Variants in ADAMTS12 observed in about 807,000 individuals in gnomAD.
ADAMTS12 encodes the protein A disintegrin and metalloproteinase with thrombospondin motifs 12.
Under a neutral mutation model 167.8 loss-of-function variants are expected in ADAMTS12, and 118 were observed. That is an observed-to-expected ratio of 0.70 (90% CI 0.61 to 0.82). ADAMTS12 has a LOEUF of 0.82. Ranked by LOEUF, ADAMTS12 falls within the 40% of genes least tolerant of loss-of-function variation. The pLI is 0.00. For missense variants in ADAMTS12, 1,916 were observed against 1,998.8 expected (o/e 0.96, Z 0.79); for synonymous variants, 704 against 716.9 (o/e 0.98, Z 0.29).
chr5:33,775,553 T>C (rs1745885192), intron 2 of ADAMTS12, among the ~76,000 whole-genome samples: 1 of 152,186 alleles, frequency 6.6e-6, no homozygotes, highest in Admixed American at 6.5e-5. Flanking sequence ...GACTTTCCAG[T>C]ATGCATTTCC....
intron 2 of ADAMTS12, among the ~76,000 whole-genome samples, chr5:33,791,169 C>T (rs1359890006): frequency 2.0e-5 from 3 of 152,164 alleles, no homozygotes; most frequent in Non-Finnish European, 4.4e-5. Context: ...GCCAGTACCT[C>T]TTGACTCTCA....
intron 18 of ADAMTS12, among the ~76,000 whole-genome samples, chr5:33,579,474 T>G (rs1470902340): frequency 6.6e-6 from 1 of 152,242 alleles, no homozygotes; most frequent in African/African-American, 2.4e-5. Context: ...TTTCTCTTTT[T>G]CTTTTTGGTT....
intron 23 of ADAMTS12, among the ~76,000 whole-genome samples, chr5:33,528,720 G>A (rs72737382): frequency 0.13 from 19,621 of 152,202 alleles, 1,411 homozygotes; most frequent in African/African-American, 0.18. Context: ...ATACTATTCA[G>A]AGTGTCAAGC....
At chr5:33,588,864 A>G (rs1747497049) in intron 17 of ADAMTS12, 55 bp from the exon 18 acceptor site, 2 of 1,591,034 alleles carry the variant, frequency 1.3e-6, no homozygotes, top group African/African-American at 1.3e-5. Flanking sequence ...CATATGTTCC[A>G]TTCAACCACT....
intron 2 of ADAMTS12, among the ~76,000 whole-genome samples, chr5:33,803,321 C>G (rs570269772): frequency 5.9e-5 from 9 of 152,164 alleles, no homozygotes; most frequent in Non-Finnish European, 1.3e-4. Flanking sequence ...GGACATAAGC[C>G]CTGTTAATGA....
chr5:33,869,045 G>A (rs1297106069), intron 2 of ADAMTS12, among the ~76,000 whole-genome samples: 1 of 152,174 alleles, frequency 6.6e-6, no homozygotes, highest in African/African-American at 2.4e-5. Context: ...TCAAGACAAT[G>A]AGGAAAGTGC....
intron 2 of ADAMTS12, among the ~76,000 whole-genome samples, chr5:33,784,157 T>C (rs549557068): frequency 6.6e-6 from 1 of 151,890 alleles, no homozygotes; most frequent in Non-Finnish European, 1.5e-5. Flanking sequence ...AATCACTACC[T>C]ATACATAACA....
At chr5:33,755,942 A>ACAT (rs773078005) in intron 2 of ADAMTS12, among the ~76,000 whole-genome samples, 11 of 152,234 alleles carry the variant, frequency 7.2e-5, no homozygotes, top group Non-Finnish European at 1.0e-4. Context: ...ACTGGAAAAG[A>ACAT]CATCACCTGT....
intron 3 of ADAMTS12, among the ~76,000 whole-genome samples, chr5:33,724,547 T>G (rs1299739636): frequency 7.0e-6 from 1 of 143,234 alleles, no homozygotes; most frequent in Non-Finnish European, 1.5e-5. Context: ...AACAGCTTCT[T>G]TTTTTTTTTT....
At chr5:33,889,574 C>T (rs1379604594) in intron 1 of ADAMTS12, among the ~76,000 whole-genome samples, 2 of 152,166 alleles carry the variant, frequency 1.3e-5, no homozygotes, top group Non-Finnish European at 1.5e-5. Flanking sequence ...TGTAAGTCTG[C>T]TTAGAAATTT....
At chr5:33,599,447 C>G (rs1462428143) in intron 16 of ADAMTS12, among the ~76,000 whole-genome samples, 1 of 152,134 alleles carries the variant, frequency 6.6e-6, no homozygotes, top group East Asian at 1.9e-4. Context: ...CCTTCTCTTC[C>G]CTGCCCTAAA....
At chr5:33,667,804 T>C (rs1400333254) in intron 5 of ADAMTS12, among the ~76,000 whole-genome samples, 1 of 152,198 alleles carries the variant, frequency 6.6e-6, no homozygotes, top group African/African-American at 2.4e-5. Context: ...TGGAACTTGG[T>C]ACCAGTTAAA....
chr5:33,599,426 C>T (rs940014210), intron 16 of ADAMTS12, among the ~76,000 whole-genome samples: 1 of 152,168 alleles, frequency 6.6e-6, no homozygotes, highest in Non-Finnish European at 1.5e-5. Flanking sequence ...CCCTCCAGAT[C>T]CACTGTGCCC....
At chr5:33,564,506 T>A (rs1156599787) in intron 19 of ADAMTS12, among the ~76,000 whole-genome samples, 2 of 152,164 alleles carry the variant, frequency 1.3e-5, no homozygotes, top group African/African-American at 4.8e-5. Flanking sequence ...TTTGGAATGA[T>A]TAGAATAGCT....
At chr5:33,676,431 G>A (rs1182591178) in intron 5 of ADAMTS12, among the ~76,000 whole-genome samples, 1 of 151,966 alleles carries the variant, frequency 6.6e-6, no homozygotes, top group Non-Finnish European at 1.5e-5. Context: ...CTTCTCATGT[G>A]TCTAAGGGAC....
At chr5:33,750,508 A>G (rs2112389099) in intron 3 of ADAMTS12, among the ~76,000 whole-genome samples, 1 of 152,260 alleles carries the variant, frequency 6.6e-6, no homozygotes. Context: ...TCACTGCCTC[A>G]TCATCTGTTT....
rs780835542 is a variant in ADAMTS12 at position 33,576,467 on chromosome 5, C to T, written c.3559G>A (p.Ala1187Thr). The change falls in exon 19 of 24, where the codon GCT becomes ACT. Residue 1187 changes from alanine to threonine, a missense_variant. Ala to Thr is a moderately conservative substitution (Grantham distance 58, BLOSUM62 0). Transcript: ENST00000504830. The part of the protein sequence containing the change: ...WTKIRVPGND[A>T]PVESTEMPLA... ...GGCATTTCTGTACTTTCCACTGGAG[C>T]GTCATTTCCAGGTACTCTGATCTTG... 37 of 1,608,094 alleles carry T rather than the reference C, an allele frequency of 2.3e-5. No homozygotes were observed. In the South Asian group the frequency reaches 2.9e-4, roughly 13 times the overall value.
rs879234265 is a variant in ADAMTS12, at chr5:33,641,887, G to A, written c.1641C>T (p.Arg547=). The A allele has an allele frequency of 6.2e-7, 1 of 1,613,838 alleles. No individual in the cohort carries two copies. The highest frequency in any genetic ancestry group is 8.5e-7 in the Non-Finnish European group (1 of 1,179,808). ...TGGAACAGTGGGACCAGGGTGACCA[G>A]CGGCCCCAGCCTCCAGGAATGCTCT... The part of the protein sequence containing the change: ...KPESIPGGWG[R]WSPWSHCSRT... Residue 547 remains arginine, a synonymous_variant, in exon 11 of 24, where the codon CGC becomes CGT. Coordinates refer to ENST00000504830, the MANE Select transcript of ADAMTS12 (RefSeq NM_030955.4).
chr5:33,569,998 G>A (rs1247121682), intron 19 of ADAMTS12, among the ~76,000 whole-genome samples: 1 of 152,216 alleles, frequency 6.6e-6, no homozygotes, highest in Non-Finnish European at 1.5e-5. Context: ...GGGTATCAGT[G>A]ATGGAAGACG....
Sources: gnomAD v4.1 joint callset for allele counts (sites outside exome capture counted in the v4.1 genomes callset) on GRCh38, gnomAD v4.1.1 for gene constraint, MANE v1.5 for transcripts, NCBI Gene and HGNC (gene_info 2026-07-23, HGNC 2026-07-21) for gene names.